Variants in ITPRID1 observed in about 807,000 individuals in gnomAD.
The protein encoded by ITPRID1 is protein ITPRID1.
A neutral mutation model predicts 95.4 loss-of-function variants in ITPRID1; 96 were observed. That is an observed-to-expected ratio of 1.01 (90% confidence interval 0.85 to 1.19). The LOEUF (loss-of-function observed/expected upper bound fraction) is 1.19, where lower values mean the gene tolerates loss of function less well. Ranked by LOEUF, ITPRID1 falls within the 50% of genes most tolerant of loss-of-function variation. The probability of loss-of-function intolerance (pLI) is 0.00; values close to 1 mark genes in which losing one functional copy is unlikely to be tolerated. For synonymous variants in ITPRID1, 510 were observed against 453.6 expected, an observed-to-expected ratio of 1.12 and a Z score of -1.58; for missense variants, 1,339 against 1,252.9, an observed-to-expected ratio of 1.07 and a Z score of -1.04.
At chr7:31,559,930 G>A (rs934577138) in intron 5 of ITPRID1, among the ~76,000 whole-genome samples, 2 of 152,156 alleles carry the variant, frequency 1.3e-5, no homozygotes, top group African/African-American at 4.8e-5. Flanking sequence ...TCAGTATTTA[G>A]CAAATATGTG....
chr7:31,547,307 G>A (rs778360720), intron 1 of ITPRID1, among the ~76,000 whole-genome samples: 6 of 152,152 alleles, frequency 3.9e-5, no homozygotes, highest in South Asian at 2.1e-4. Context: ...AGAAATACTC[G>A]AGACTGGGTA....
intron 10 of ITPRID1, among the ~76,000 whole-genome samples, chr7:31,591,918 G>A (rs1349845260): frequency 1.3e-5 from 2 of 152,118 alleles, no homozygotes; most frequent in Admixed American, 6.5e-5. Context: ...ACAATAAAAT[G>A]TATAAAGTAG....
intron 1 of ITPRID1, among the ~76,000 whole-genome samples, chr7:31,519,620 C>CTCTCCATATATATA: frequency 4.0e-5 from 1 of 25,254 alleles, no homozygotes; most frequent in African/African-American, 1.4e-4. Context: ...CTCTCTCTCT[C>CTCTCCATATATATA]TATATATATA....
intron 1 of ITPRID1, chr7:31,529,651 T>C: frequency 5.9e-6 from 5 of 840,562 alleles, no homozygotes; most frequent in South Asian, 1.8e-5. Flanking sequence ...AACTTTTAAA[T>C]AGGAGCAGAC....
At chr7:31,544,343 C>G (rs1389654050) in intron 1 of ITPRID1, among the ~76,000 whole-genome samples, 2 of 152,018 alleles carry the variant, frequency 1.3e-5, no homozygotes, top group Admixed American at 1.3e-4. Context: ...AAGAAATAAC[C>G]ATCACAGAAG....
intron 10 of ITPRID1, among the ~76,000 whole-genome samples, chr7:31,632,715 G>A (rs1789123516): frequency 6.6e-6 from 1 of 152,098 alleles, no homozygotes; most frequent in African/African-American, 2.4e-5. Flanking sequence ...TTCCATGTTG[G>A]TCAGACCGTC....
At position 31,642,683 on chromosome 7, in the gene ITPRID1, T is replaced by C; in HGVS notation, c.1313T>C (p.Met438Thr). 2 of 1,613,004 alleles carry C rather than the reference T, an allele frequency of 1.2e-6. No individual in the cohort carries two copies. The highest frequency in any genetic ancestry group is 1.1e-5 in the South Asian group (1 of 90,972). ...EEPLEPLPLQMPSLPNSQSPA... is the reference protein window; with the variant it reads ...EEPLEPLPLQTPSLPNSQSPA... Reference sequence around the variant, plus strand: ...CCTTTGTCCTGGTTTCCCCTACAGATGCCTTCCTTGCCAAACAGCCAGAGT... The same window carrying C: ...CCTTTGTCCTGGTTTCCCCTACAGACGCCTTCCTTGCCAAACAGCCAGAGT... The change falls in exon 12 of 15, where the codon ATG becomes ACG. Residue 438 changes from methionine to threonine, a missense_variant and splice_region_variant. Met to Thr is a moderately conservative substitution (Grantham distance 81, BLOSUM62 -1). Coordinates refer to ENST00000615280, the MANE Select transcript of ITPRID1 (RefSeq NM_001257967.3).
intron 10 of ITPRID1, among the ~76,000 whole-genome samples, chr7:31,592,743 T>C (rs1022347167): frequency 6.6e-6 from 1 of 152,160 alleles, no homozygotes; most frequent in Non-Finnish European, 1.5e-5. Flanking sequence ...CACCTCCTAG[T>C]GTATGGCCCA....
At chr7:31,581,994 A>G (rs1441701170) in intron 9 of ITPRID1, among the ~76,000 whole-genome samples, 1 of 152,214 alleles carries the variant, frequency 6.6e-6, no homozygotes, top group East Asian at 1.9e-4. Flanking sequence ...CATGGTCCCT[A>G]GTCTATTCCT....
Position 31,655,925 on chromosome 7 carries a change from C to T in ITPRID1, c.*3096C>T. 1 of 985,440 alleles carries T rather than the reference C, an allele frequency of 1.0e-6. No individual in the cohort carries two copies. The highest frequency in any genetic ancestry group is 1.2e-6 in the Non-Finnish European group (1 of 829,966). The allele number at this position is 985,440 out of a possible 1,614,324, so 61.0% of individuals were successfully genotyped here. On this transcript the variant is annotated 3_prime_UTR_variant, in exon 15 of 15. Coordinates refer to ENST00000615280, the MANE Select transcript of ITPRID1 (RefSeq NM_001257967.3). The stretch of plus-strand genomic sequence containing the variant: ...CTCACCTGGCAGCCATCTGCTTTAC[C>T]AGTCTCATTTCCTGCTCATCCCTCA...
intron 1 of ITPRID1, among the ~76,000 whole-genome samples, chr7:31,531,744 C>G (rs1783604133): frequency 6.6e-6 from 1 of 152,088 alleles, no homozygotes; most frequent in South Asian, 2.1e-4. Context: ...GGGTGTTTTT[C>G]TTTAGGCTTT....
intron 13 of ITPRID1, among the ~76,000 whole-genome samples, chr7:31,651,646 G>T (rs754206379): frequency 2.0e-5 from 3 of 152,018 alleles, no homozygotes; most frequent in Non-Finnish European, 4.4e-5. Flanking sequence ...GGTTTTTCTT[G>T]GGGAAATAGA....
At chr7:31,562,602 A>G (rs1386889824) in intron 5 of ITPRID1, among the ~76,000 whole-genome samples, 2 of 152,322 alleles carry the variant, frequency 1.3e-5, no homozygotes, top group East Asian at 1.9e-4. Context: ...TCAGGTGACA[A>G]TATTCACAAC....
At chr7:31,635,499 T>C (rs1237999590) in intron 10 of ITPRID1, among the ~76,000 whole-genome samples, 1 of 152,238 alleles carries the variant, frequency 6.6e-6, no homozygotes, top group African/African-American at 2.4e-5. Flanking sequence ...TTTTTATTGC[T>C]TGAGTTTCAA....
At chr7:31,519,606 CTCTCTCTCTCTCTCTATATATATA>C (rs1783157144) in intron 1 of ITPRID1, among the ~76,000 whole-genome samples, 1 of 56,840 alleles carries the variant, frequency 1.8e-5, no homozygotes. Context: ...CTCTCTCTCT[CTCTCTCTCTCTCTCTATATATATA>C]TATATATATA....
At chr7:31,552,045 T>A (rs1346035417) in intron 2 of ITPRID1, 1 of 341,004 alleles carries the variant, frequency 2.9e-6, no homozygotes, top group Non-Finnish European at 6.0e-6. Flanking sequence ...AGTAAGAGAA[T>A]GGCCCTTGTT....
chr7:31,572,130 A>T lies in ITPRID1; in HGVS notation c.337A>T (p.Ile113Phe), dbSNP rs1785012174. The change falls in exon 7 of 15, where the codon ATC becomes TTC. Residue 113 changes from isoleucine (I) to phenylalanine (F), a missense_variant. Transcript: ENST00000615280. ...RSLHQFSETP[I>F]LSRGTSFNSC... ...TTTGCATCAGTTTTCAGAAACTCCC[A>T]TCCTATCCAGAGGGACCAGTTTCAA... 1 of 1,611,512 alleles carries T rather than the reference A, an allele frequency of 6.2e-7. No homozygotes were observed. Among genetic ancestry groups the T allele is most frequent in the African/African-American group, 1.3e-5 (1 of 74,898 alleles).
chr7:31,552,047 G>A (rs1784299666), intron 2 of ITPRID1: 1 of 335,116 alleles, frequency 3.0e-6, no homozygotes, highest in Admixed American at 3.4e-5. Flanking sequence ...TAAGAGAATG[G>A]CCCTTGTTCT....
Position 31,643,292 on chromosome 7 carries a change from A to G in ITPRID1, c.1922A>G (p.Gln641Arg). The G allele has an allele frequency of 1.2e-6, 2 of 1,613,838 alleles. No individual in the cohort carries two copies. The highest frequency in any genetic ancestry group is 1.7e-6 in the Non-Finnish European group (2 of 1,179,880). Residue 641 changes from glutamine to arginine, a missense_variant, in exon 12 of 15, where the codon CAG (glutamine) becomes CGG (arginine). Coordinates refer to ENST00000615280, the MANE Select transcript of ITPRID1 (RefSeq NM_001257967.3). ...HSLLVPESSSQCIPKHSEITP... is the reference protein window; with the variant it reads ...HSLLVPESSSRCIPKHSEITP... ...TTACTCGTACCAGAAAGCTCATCAC[A>G]GTGTATCCCCAAGCACAGTGAAATC...
Sources: gnomAD v4.1 joint callset for allele counts (sites outside exome capture counted in the v4.1 genomes callset) on GRCh38, gnomAD v4.1.1 for gene constraint, MANE v1.5 for transcripts, NCBI Gene and HGNC (gene_info 2026-07-23, HGNC 2026-07-21) for gene names.